BUB1B: variants seen among roughly 807,000 people sequenced by gnomAD.
BUB1B encodes mitotic checkpoint serine/threonine-protein kinase BUB1 beta.
Under a neutral mutation model 137.7 loss-of-function variants are expected in BUB1B, and 86 were observed. The ratio of observed to expected loss-of-function variants is 0.62; its 90% CI spans 0.52 to 0.75. BUB1B has a LOEUF of 0.75. BUB1B is among the 30% of genes least tolerant of loss of function. The pLI, the probability that BUB1B is intolerant of heterozygous loss-of-function variation, is 0.00. For missense variants in BUB1B, 1,130 were observed against 1,236.9 expected (o/e 0.91, Z 1.30); for synonymous variants, 420 against 417.9 (o/e 1.00, Z -0.06).
intron 6 of BUB1B, among the ~76,000 whole-genome samples, chr15:40,184,905 T>G (rs2037339836): frequency 6.6e-6 from 1 of 152,182 alleles, no homozygotes; most frequent in African/African-American, 2.4e-5. Context: ...GCAGAATGTC[T>G]TTTTTGGAAA....
Position 40,183,835 on chromosome 15 carries a change from A to G in BUB1B, c.703A>G (p.Lys235Glu). The change falls in exon 6 of 23, where the codon AAA (lysine) becomes GAA (glutamate). Residue 235 changes from lysine (K) to glutamate (E), a missense_variant. Physicochemically the swap from Lys to Glu is moderately conservative, Grantham distance 56 (BLOSUM62 1). Transcript: ENST00000287598. ...ACTAGCTGAACTAAAGAGCAAAGGG[A>G]AAAAGACAGCAAGAGCTCCAATCAT... Reference protein sequence around the residue: ...STLAELKSKGKKTARAPIIRV... With the variant: ...STLAELKSKGEKTARAPIIRV... The G allele has an allele frequency of 6.2e-7, 1 of 1,614,006 alleles. No individual in the cohort carries two copies. The highest frequency in any genetic ancestry group is 8.5e-7 in the Non-Finnish European group (1 of 1,179,874).
At position 40,208,839 on chromosome 15, in the gene BUB1B, GTTTTT is replaced by G. The variant is rs2037672015; in HGVS notation, c.2143+70_2143+74del. The G allele has an allele frequency of 2.0e-6, 3 of 1,522,830 alleles. No homozygotes were observed. In the African/African-American group the frequency reaches 4.1e-5, roughly 21 times the overall value. 94.3% of individuals were successfully genotyped at this position (1,522,830 alleles called of 1,614,324 possible). Reference sequence around the variant, plus strand: ...TTTATCTCAGCAAACTGAGCTGTATGTTTTTCTTTTTTTGAGACAGGGTCTCACTC... The same window carrying G: ...TTTATCTCAGCAAACTGAGCTGTATGCTTTTTTTGAGACAGGGTCTCACTC... On this transcript the variant is annotated intron_variant, in intron 16 of 22. Coordinates refer to ENST00000287598, the MANE Select transcript of BUB1B (RefSeq NM_001211.6).
intron 5 of BUB1B, among the ~76,000 whole-genome samples, chr15:40,183,350 A>G (rs1291417522): frequency 6.6e-6 from 1 of 152,244 alleles, no homozygotes; most frequent in African/African-American, 2.4e-5. Context: ...CACAGTGTTA[A>G]CAATTGGTGG....
intron 21 of BUB1B, 144 bp downstream of exon 21, chr15:40,217,811 A>G: frequency 2.0e-6 from 2 of 1,020,532 alleles, no homozygotes; most frequent in Non-Finnish European, 3.0e-6. Flanking sequence ...GTCAAGTAAA[A>G]TGTAACATTT....
In BUB1B at chr15:40,202,460, T is replaced by C. The variant is rs1129352; in HGVS notation, c.1623T>C (p.Asn541=). Residue 541 remains asparagine, a synonymous_variant, in exon 13 of 23, where the codon AAT becomes AAC. Coordinates refer to ENST00000287598, the MANE Select transcript of BUB1B (RefSeq NM_001211.6). ...AGTTTCTTCTTTCAGAAAAGAAGAA[T>C]AAAAGGTACGTTGTTTTTTTGTTTT... is the stretch of plus-strand genomic sequence containing the variant. ...FDEFLLSEKK[N]KSPPADPPRV... is the part of the protein sequence containing the mutation. The C allele has an allele frequency of 4.0e-3, 6,484 of 1,612,164 alleles. 237 individuals are homozygous for C. The African/African-American group carries it at 0.078, about 19-fold the overall frequency.
chr15:40,192,018 T>G (rs1157376202), intron 8 of BUB1B, among the ~76,000 whole-genome samples: 1 of 152,220 alleles, frequency 6.6e-6, no homozygotes, highest in African/African-American at 2.4e-5. Context: ...GCCTGTCAAT[T>G]TCTGCAGAAA....
At chr15:40,217,308 C>T (rs1389451258) in intron 20 of BUB1B, 188 bp from the exon 21 acceptor site, 4 of 625,782 alleles carry the variant, frequency 6.4e-6, no homozygotes, top group Non-Finnish European at 1.1e-5. Context: ...AAAGTGGTGA[C>T]ATTCCTTCCG....
chr15:40,194,115 C>T (rs537550123), intron 8 of BUB1B, among the ~76,000 whole-genome samples: 8,390 of 152,122 alleles, frequency 0.055, 753 homozygotes, highest in African/African-American at 0.19. Flanking sequence ...TTCTTAATTT[C>T]ATTTTCTTTT....
chr15:40,189,954 C>G (rs934762795), intron 8 of BUB1B, among the ~76,000 whole-genome samples: 3 of 152,148 alleles, frequency 2.0e-5, no homozygotes, highest in Non-Finnish European at 4.4e-5. Flanking sequence ...TTCCTGGTGA[C>G]TAATGATGTT....
intron 18 of BUB1B, among the ~76,000 whole-genome samples, 176 bp from the exon 19 acceptor site, chr15:40,212,323 C>A (rs770057931): frequency 6.6e-6 from 1 of 152,212 alleles, no homozygotes; most frequent in African/African-American, 2.4e-5. Flanking sequence ...TGTTCTCTTT[C>A]CAGCTTATCC....
intron 10 of BUB1B, 125 bp from the exon 11 acceptor site, chr15:40,200,119 G>T (rs996029651): frequency 1.2e-5 from 9 of 740,798 alleles, no homozygotes; most frequent in Non-Finnish European, 1.7e-5. Context: ...TGACTTTTGT[G>T]GTACACTCAT....
At chr15:40,203,568 GA>G (rs376892808) in intron 14 of BUB1B, among the ~76,000 whole-genome samples, 1 of 152,124 alleles carries the variant, frequency 6.6e-6, no homozygotes, top group Non-Finnish European at 1.5e-5. Flanking sequence ...TATAAGTAGG[GA>G]AAAATCACTA....
At chr15:40,163,621 G>A (rs1045377760) in intron 1 of BUB1B, among the ~76,000 whole-genome samples, 1 of 152,082 alleles carries the variant, frequency 6.6e-6, no homozygotes, top group Admixed American at 6.5e-5. Flanking sequence ...TCACTGATTC[G>A]CCAAAAATTG....
chr15:40,185,928 A>G (rs554682034), intron 8 of BUB1B, among the ~76,000 whole-genome samples: 1 of 152,262 alleles, frequency 6.6e-6, no homozygotes, highest in South Asian at 2.1e-4. Context: ...TCCTTTGAGT[A>G]TGTTAGGGTT....
In BUB1B at chr15:40,213,482, C is replaced by G; in HGVS notation, c.2678+8C>G. On this transcript the variant is annotated splice_region_variant and intron_variant, in intron 20 of 22. Coordinates refer to ENST00000287598, the MANE Select transcript of BUB1B (RefSeq NM_001211.6). ...TCTGATTCTCAGAAACAGGTTGGTCCTTTTCATTCTTATAATTCTGCCAGC... is the reference window on the plus strand; with the variant it reads ...TCTGATTCTCAGAAACAGGTTGGTCGTTTTCATTCTTATAATTCTGCCAGC... The G allele has an allele frequency of 6.2e-7, 1 of 1,613,830 alleles. No individual in the cohort carries two copies. Among genetic ancestry groups the G allele is most frequent in the South Asian group, 1.1e-5 (1 of 91,062 alleles).
chr15:40,165,148 C>G lies in BUB1B; in HGVS notation c.131C>G (p.Ala44Gly), dbSNP rs747374746. The G allele has an allele frequency of 6.2e-7, 1 of 1,614,166 alleles. No individual in the cohort carries two copies. The highest frequency in any genetic ancestry group is 8.5e-7 in the Non-Finnish European group (1 of 1,180,038). The change falls in exon 2 of 23, where the codon GCA (alanine) becomes GGA (glycine). Residue 44 changes from alanine (A) to glycine (G), a missense_variant. Transcript: ENST00000287598. ...QGRIMSTLQG[A>G]LAQESACNNT... ...CGGATCATGTCCACGCTTCAGGGAG[C>G]ACTGGCACAAGAATCTGCCTGTAAC...
intron 3 of BUB1B, 53 bp from the exon 4 acceptor site, chr15:40,170,484 C>T (rs1262587079): frequency 6.3e-7 from 1 of 1,599,038 alleles, no homozygotes; most frequent in African/African-American, 1.3e-5. Flanking sequence ...GGAGCAAGAA[C>T]AAAAGTACAT....
intron 4 of BUB1B, among the ~76,000 whole-genome samples, chr15:40,172,258 C>T (rs895081378): frequency 1.4e-4 from 21 of 151,838 alleles, no homozygotes; most frequent in African/African-American, 5.1e-4. Flanking sequence ...AAATTTCTTA[C>T]TAAAGTCTTA....
At chr15:40,209,522 C>T in intron 16 of BUB1B, 113 bp from the exon 17 acceptor site, 2 of 1,234,286 alleles carry the variant, frequency 1.6e-6, no homozygotes, top group Non-Finnish European at 2.4e-6. Context: ...GTTAAATTAA[C>T]AGTGCTGACT....
Sources: allele counts gnomAD v4.1 joint callset (sites outside exome capture counted in the v4.1 genomes callset), GRCh38; gene constraint gnomAD v4.1.1; transcripts MANE v1.5; gene names NCBI Gene and HGNC (gene_info 2026-07-23, HGNC 2026-07-21).